PROM1: variants seen among roughly 807,000 people sequenced by gnomAD.
PROM1 encodes prominin 1.
In PROM1, 105 loss-of-function variants were observed where a neutral mutation model predicts 116.9. The ratio of observed to expected loss-of-function variants is 0.90; its 90% CI spans 0.77 to 1.06. PROM1 has a LOEUF of 1.06. Ranked by LOEUF, PROM1 falls within the 50% of genes least tolerant of loss-of-function variation. The probability of loss-of-function intolerance (pLI) is 0.00; values close to 1 mark genes in which losing one functional copy is unlikely to be tolerated. For synonymous variants in PROM1, 393 were observed against 387.0 expected, an observed-to-expected ratio of 1.02 and a Z score of -0.18; for missense variants, 1,122 against 1,045.2, an observed-to-expected ratio of 1.07 and a Z score of -1.01.
At chr4:15,993,823 A>C (rs1292744824) in intron 16 of PROM1, among the ~76,000 whole-genome samples, 164 bp downstream of exon 16, 1 of 152,262 alleles carries the variant, frequency 6.6e-6, no homozygotes, top group Non-Finnish European at 1.5e-5. Flanking sequence ...TTTGGAACCA[A>C]ATAGAGGTGA....
intron 15 of PROM1, among the ~76,000 whole-genome samples, chr4:15,994,463 A>C (rs569936107): frequency 6.6e-6 from 1 of 152,326 alleles, no homozygotes; most frequent in South Asian, 2.1e-4. Flanking sequence ...TGATTCTATG[A>C]AGCTCCTGCC....
chr4:16,045,930 C>A (rs1447373486), intron 2 of PROM1, among the ~76,000 whole-genome samples: 2 of 152,164 alleles, frequency 1.3e-5, no homozygotes, highest in Non-Finnish European at 1.5e-5. Flanking sequence ...AATAAGCCTA[C>A]CAACTGAATT....
At chr4:16,069,849 G>A (rs780491118) in intron 2 of PROM1, among the ~76,000 whole-genome samples, 1 of 152,140 alleles carries the variant, frequency 6.6e-6, no homozygotes, top group African/African-American at 2.4e-5. Flanking sequence ...AACATTTATG[G>A]ACAGATAAAG....
At chr4:16,036,030 G>A (rs775250265) in intron 3 of PROM1, among the ~76,000 whole-genome samples, 8 of 152,132 alleles carry the variant, frequency 5.3e-5, no homozygotes, top group Admixed American at 1.3e-4. Flanking sequence ...TATGCTAATC[G>A]GTTACGCAAA....
At chr4:15,987,076 C>CGTGGA (rs1178990239) in intron 20 of PROM1, among the ~76,000 whole-genome samples, 2 of 152,342 alleles carry the variant, frequency 1.3e-5, no homozygotes, top group Non-Finnish European at 2.9e-5. Context: ...CTTCCCAGAG[C>CGTGGA]GTGGAGTATA....
intron 19 of PROM1, among the ~76,000 whole-genome samples, chr4:15,989,317 A>T (rs1300441652): frequency 6.6e-6 from 1 of 152,150 alleles, no homozygotes; most frequent in Non-Finnish European, 1.5e-5. Context: ...AGACGAAGCA[A>T]CGCCCATCGA....
intron 12 of PROM1, 79 bp downstream of exon 12, chr4:16,008,870 C>T (rs1726156453): frequency 2.2e-6 from 3 of 1,347,970 alleles, no homozygotes; most frequent in African/African-American, 2.9e-5. Flanking sequence ...TAAGATTATC[C>T]TGGTGCTAAT....
intron 6 of PROM1, 27 bp downstream of exon 6, chr4:16,025,165 G>A (rs980272073): frequency 2.9e-5 from 46 of 1,605,544 alleles, no homozygotes; most frequent in Non-Finnish European, 3.6e-5. Context: ...ATAAAGCATC[G>A]CGGTACATAG....
At chr4:16,052,493 T>C (rs1738106770) in intron 2 of PROM1, among the ~76,000 whole-genome samples, 1 of 152,232 alleles carries the variant, frequency 6.6e-6, no homozygotes, top group Admixed American at 6.5e-5. Context: ...TTTTTATTTC[T>C]TGAGACAGAG....
chr4:16,003,352 A>G lies in PROM1; in HGVS notation c.1455-2733T>C, dbSNP rs139557612. The stretch of plus-strand genomic sequence containing the variant: ...ACAGTTTGGCTTACTTCCTTCACCT[A>G]GATTCCCCAAAATGGAAATTATTCG... On this transcript the variant is annotated intron_variant, in intron 13 of 27. Transcript: ENST00000447510. 2.3e-3 allele frequency: 1,063 copies of G among 456,714 alleles called. 7 individuals are homozygous for G. Among genetic ancestry groups the G allele is most frequent in the African/African-American group, 0.019 (956 of 50,184 alleles). 28.3% of individuals were successfully genotyped at this position (456,714 alleles called of 1,614,324 possible). A position where few individuals can be genotyped will look rare whatever the true frequency, so the allele number is the denominator to read the frequency against.
At chr4:16,014,675 G>A (rs1241304796) in intron 10 of PROM1, among the ~76,000 whole-genome samples, 1 of 152,140 alleles carries the variant, frequency 6.6e-6, no homozygotes, top group East Asian at 1.9e-4. Context: ...AGAACACTAG[G>A]CATAAATGGG....
chr4:16,048,647 C>T (rs1311911468), intron 2 of PROM1, among the ~76,000 whole-genome samples: 1 of 152,034 alleles, frequency 6.6e-6, no homozygotes, highest in Non-Finnish European at 1.5e-5. Flanking sequence ...TCTCCTTTAG[C>T]TGACTGGAGT....
At chr4:15,993,624 G>A (rs1312706201) in intron 16 of PROM1, among the ~76,000 whole-genome samples, 1 of 152,196 alleles carries the variant, frequency 6.6e-6, no homozygotes, top group East Asian at 1.9e-4. Flanking sequence ...AGAAAGGGAG[G>A]CTGGTCTTGG....
rs1055248131 is a variant in PROM1 at position 16,033,621 on chromosome 4, G to T, written c.304-112C>A. Reference sequence around the variant, plus strand: ...TTTTTTTTTTTTGAGACAGGGTCTCGCTCTGTTGCCCAGGCTGGAGCGCAG... The same window carrying T: ...TTTTTTTTTTTTGAGACAGGGTCTCTCTCTGTTGCCCAGGCTGGAGCGCAG... On this transcript the variant is annotated intron_variant, in intron 4 of 27. Coordinates refer to ENST00000447510, the MANE Select transcript of PROM1 (RefSeq NM_006017.3). 1.0e-5 allele frequency: 9 copies of T among 875,956 alleles called. No homozygotes were observed. The Admixed American group carries it at 2.5e-4, about 24-fold the overall frequency. The allele number at this position is 875,956 out of a possible 1,614,324, so 54.3% of individuals were successfully genotyped here.
chr4:16,064,755 T>C (rs1741121581), intron 2 of PROM1, among the ~76,000 whole-genome samples: 1 of 152,110 alleles, frequency 6.6e-6, no homozygotes, highest in East Asian at 1.9e-4. Context: ...TATCCAGGCA[T>C]GGTGGCGGGC....
chr4:16,012,250 G>T (rs1333481991), intron 11 of PROM1, among the ~76,000 whole-genome samples: 2 of 152,250 alleles, frequency 1.3e-5, no homozygotes, highest in East Asian at 3.9e-4. Flanking sequence ...ACCCGCCTTG[G>T]CCTCCCAAAG....
intron 23 of PROM1, among the ~76,000 whole-genome samples, chr4:15,981,922 A>G (rs1718068779): frequency 6.6e-6 from 1 of 152,248 alleles, no homozygotes; most frequent in African/African-American, 2.4e-5. Context: ...ATTCCCACAA[A>G]GCAAGAGTCT....
chr4:16,062,900 G>A (rs1217889993), intron 2 of PROM1, among the ~76,000 whole-genome samples: 1 of 152,150 alleles, frequency 6.6e-6, no homozygotes, highest in African/African-American at 2.4e-5. Flanking sequence ...TACAAAATAT[G>A]CAAAGTATCC....
Position 15,998,418 on chromosome 4 carries a change from G to T in PROM1, c.1649C>A (p.Ser550Ter). The change falls in exon 15 of 28, where the codon TCA (serine) becomes TAA (stop). Residue 550 changes from serine to a stop codon, truncating the protein, a stop_gained. Coordinates refer to ENST00000447510, the MANE Select transcript of PROM1 (RefSeq NM_006017.3). LOFTEE classifies it high-confidence loss of function. Reference protein sequence around the residue: ...YYLSGKLFNKSKMKLTFEQVY... With the variant: ...YYLSGKLFNK Reference sequence around the variant, plus strand: ...TTGTTCAAAAGTGAGCTTCATTTTTGATTTATTAAATAGCTTCCCAGAGAG... The same window carrying T: ...TTGTTCAAAAGTGAGCTTCATTTTTTATTTATTAAATAGCTTCCCAGAGAG... The T allele has an allele frequency of 6.2e-7, 1 of 1,605,414 alleles. No individual in the cohort carries two copies. Among genetic ancestry groups the T allele is most frequent in the South Asian group, 1.1e-5 (1 of 88,178 alleles).
Sources: allele counts gnomAD v4.1 joint callset (sites outside exome capture counted in the v4.1 genomes callset), GRCh38; gene constraint gnomAD v4.1.1; transcripts MANE v1.5; gene names NCBI Gene and HGNC (gene_info 2026-07-23, HGNC 2026-07-21).